STARD9: variants seen among roughly 807,000 people sequenced by gnomAD.
STARD9 encodes the protein stAR-related lipid transfer protein 9.
STARD9 carries 346 observed loss-of-function variants against 399.8 expected under a neutral mutation model. The observed-to-expected ratio is 0.87, with a 90% CI of 0.79 to 0.95. STARD9 has a LOEUF of 0.95. Among genes scored for constraint, STARD9 ranks in the 40% least tolerant of loss-of-function variants. The pLI is 0.00. For synonymous variants in STARD9, 2,203 were observed against 2,143.5 expected (o/e 1.03, Z -0.77); for missense variants, 5,832 against 5,667.5 (o/e 1.03, Z -0.93).
intron 7 of STARD9, among the ~76,000 whole-genome samples, chr15:42,643,724 C>G (rs1422375840): frequency 2.6e-5 from 4 of 152,128 alleles, no homozygotes; most frequent in African/African-American, 9.7e-5. Flanking sequence ...TGTCAAACTC[C>G]TGACCTTGTG....
intron 9 of STARD9, 146 bp from the exon 10 acceptor site, chr15:42,661,012 G>A (rs2059983925): frequency 1.1e-5 from 6 of 562,740 alleles, no homozygotes; most frequent in East Asian, 9.0e-5. Context: ...GATATTGAGA[G>A]CTCACCTGGT....
intron 3 of STARD9, among the ~76,000 whole-genome samples, chr15:42,625,344 T>A (rs1389689889): frequency 6.8e-6 from 1 of 146,198 alleles, no homozygotes; most frequent in African/African-American, 2.6e-5. Context: ...TATTTTCTGT[T>A]TTTGGAGACA....
At chr15:42,652,795 C>A (rs2059790063) in intron 9 of STARD9, among the ~76,000 whole-genome samples, 1 of 152,142 alleles carries the variant, frequency 6.6e-6, no homozygotes, top group South Asian at 2.1e-4. Context: ...CCTGCCTCAG[C>A]CTCCCAAATA....
chr15:42,609,996 G>A (rs1407409825), intron 3 of STARD9, among the ~76,000 whole-genome samples: 2 of 152,088 alleles, frequency 1.3e-5, no homozygotes, highest in Non-Finnish European at 2.9e-5. Context: ...GCGAGGCTGA[G>A]GCAGGAGAAT....
Position 42,685,894 on chromosome 15 carries a change from C to T in STARD9, c.4316C>T (p.Thr1439Ile). Residue 1439 changes from threonine to isoleucine, a missense_variant, in exon 23 of 33, where the codon ACC becomes ATC. By Grantham distance (89) the Thr-to-Ile change is moderately conservative. Coordinates refer to ENST00000290607, the MANE Select transcript of STARD9 (RefSeq NM_020759.3). ...CTTATTCAACCAGGAGCTGATGGCA[C>T]CTTTCAGGGCAGATGTATCCCTGAC... ...QRLIQPGADG[T>I]FQGRCIPDMT... The T allele has an allele frequency of 6.5e-7, 1 of 1,537,140 alleles. No individual in the cohort carries two copies. The highest frequency in any genetic ancestry group is 8.7e-7 in the Non-Finnish European group (1 of 1,146,934).
Position 42,689,761 on chromosome 15 carries a change from C to T in STARD9, c.8183C>T (p.Pro2728Leu). Residue 2728 changes from proline to leucine, a missense_variant, in exon 23 of 33, where the codon CCT becomes CTT. Coordinates refer to ENST00000290607, the MANE Select transcript of STARD9 (RefSeq NM_020759.3). Reference protein sequence around the residue: ...LAPDSPRSSAPVEEVRRVVSK... With the variant: ...LAPDSPRSSALVEEVRRVVSK... The stretch of plus-strand genomic sequence containing the variant: ...CCAGACAGTCCTCGTTCTTCAGCAC[C>T]TGTGGAGGAGGTCAGGAGGGTAGTA... 6.5e-7 allele frequency: 1 copy of T among 1,537,670 alleles called. No homozygotes were observed. Among genetic ancestry groups the T allele is most frequent in the Non-Finnish European group, 8.7e-7 (1 of 1,146,998 alleles).
At chr15:42,626,936 T>C (rs2059238968) in intron 3 of STARD9, among the ~76,000 whole-genome samples, 1 of 151,948 alleles carries the variant, frequency 6.6e-6, no homozygotes, top group African/African-American at 2.4e-5. Context: ...CTGCAACTTC[T>C]ACCTCCGCGG....
In STARD9 at chr15:42,693,954, C is replaced by G; in HGVS notation, c.12376C>G (p.Pro4126Ala). 2.0e-6 allele frequency: 3 copies of G among 1,504,896 alleles called. No homozygotes were observed. The highest frequency in any genetic ancestry group is 2.7e-6 in the Non-Finnish European group (3 of 1,128,764). The allele number at this position is 1,504,896 out of a possible 1,614,324, so 93.2% of individuals were successfully genotyped here. A position where few individuals can be genotyped will look rare whatever the true frequency, so the allele number is the denominator to read the frequency against. ...CTTCAGTTGCCAGATGTGCATGGCC[C>G]CTGAGCACCAGCACCACAGTCTGAG... ...LCFSCQMCMA[P>A]EHQHHSLRDL... Residue 4126 changes from proline to alanine, a missense_variant, in exon 23 of 33, where the codon CCT becomes GCT. Pro to Ala is a conservative substitution (Grantham distance 27). Coordinates refer to ENST00000290607, the MANE Select transcript of STARD9 (RefSeq NM_020759.3).
chr15:42,637,416 G>C (rs1434221200), intron 4 of STARD9, among the ~76,000 whole-genome samples: 2 of 151,986 alleles, frequency 1.3e-5, no homozygotes, highest in African/African-American at 2.4e-5. Context: ...GGTCTCCGCA[G>C]GTTGCCCAGG....
intron 9 of STARD9, among the ~76,000 whole-genome samples, chr15:42,660,383 G>A (rs2059970411): frequency 6.6e-6 from 1 of 151,902 alleles, no homozygotes; most frequent in Admixed American, 6.6e-5. Flanking sequence ...TGGCCAACAT[G>A]GTGAAACCCT....
rs2060714831 is a variant in STARD9 at position 42,691,850 on chromosome 15, C to G, written c.10272C>G (p.Ser3424Arg). 2.0e-6 allele frequency: 3 copies of G among 1,537,162 alleles called. No individual in the cohort carries two copies. In the Admixed American group the frequency reaches 5.9e-5, roughly 30 times the overall value. The change falls in exon 23 of 33, where the codon AGC becomes AGG. Residue 3424 changes from serine (S) to arginine (R), a missense_variant. Ser to Arg is a moderately radical substitution (Grantham distance 110). Around this residue, in one of 2 missense-constraint regions of STARD9, gnomAD observed 5,828 missense variants for 5,651.1 expected, o/e 1.03. Coordinates refer to ENST00000290607, the MANE Select transcript of STARD9 (RefSeq NM_020759.3). ...TGCCAACCCCTGATTTCACGACCAG[C>G]TGGATGTCTGGTACTTTGGAACAAG... Reference protein sequence around the residue: ...SHMPTPDFTTSWMSGTLEQAQ... With the variant: ...SHMPTPDFTTRWMSGTLEQAQ...
At chr15:42,652,241 C>G (rs958686262) in intron 8 of STARD9, among the ~76,000 whole-genome samples, 22 of 151,430 alleles carry the variant, frequency 1.5e-4, no homozygotes, top group African/African-American at 5.4e-4. Flanking sequence ...CTTCATTTCC[C>G]TTTTCACTTG....
rs1290675912 is a variant in STARD9, at chr15:42,692,030, G to A, written c.10452G>A (p.Lys3484=). ...AGGAGCCTGCACGTATCAGCTGGAAGCAGTATATGTCTGGCAGTGCAGTCG... is the reference window on the plus strand; with the variant it reads ...AGGAGCCTGCACGTATCAGCTGGAAACAGTATATGTCTGGCAGTGCAGTCG... ...RPEEPARISW[K]QYMSGSAVDV... The change falls in exon 23 of 33, where the codon AAG becomes AAA. Residue 3484 remains lysine, a synonymous_variant. Transcript: ENST00000290607. The A allele has an allele frequency of 2.0e-6, 3 of 1,537,150 alleles. No homozygotes were observed. Among genetic ancestry groups the A allele is most frequent in the Non-Finnish European group, 1.7e-6 (2 of 1,146,928 alleles).
Position 42,693,528 on chromosome 15 carries a change from A to G in STARD9, c.11950A>G (p.Ser3984Gly). 6.5e-7 allele frequency: 1 copy of G among 1,537,290 alleles called. No individual in the cohort carries two copies. Among genetic ancestry groups the G allele is most frequent in the African/African-American group, 1.4e-5 (1 of 73,174 alleles). Residue 3984 changes from serine (S) to glycine (G), a missense_variant, in exon 23 of 33, where the codon AGC becomes GGC. This residue lies in a region of STARD9 where 5,828 missense variants were observed against 5,651.1 expected (regional missense o/e 1.03). Transcript: ENST00000290607. ...RSFLELHSPH[S>G]PQQSPKLQFS... is the part of the protein sequence containing the mutation. Reference sequence around the variant, plus strand: ...CTTCCTTGAGTTGCACTCCCCACACAGCCCACAGCAGAGTCCAAAACTCCA... The same window carrying G: ...CTTCCTTGAGTTGCACTCCCCACACGGCCCACAGCAGAGTCCAAAACTCCA...
intron 3 of STARD9, among the ~76,000 whole-genome samples, chr15:42,614,879 C>G (rs970104781): frequency 3.9e-5 from 6 of 152,016 alleles, no homozygotes; most frequent in African/African-American, 1.4e-4. Flanking sequence ...GCGGGAGAAT[C>G]CCTTGAACCC....
rs1030541721 is a variant in STARD9, at chr15:42,681,534, C to T, written c.1987C>T (p.Gln663Ter). Residue 663 changes from glutamine (Q) to a stop codon, truncating the protein, a stop_gained, in exon 21 of 33, where the codon CAA becomes TAA. Transcript: ENST00000290607. LOFTEE classifies it high-confidence loss of function. ...QQSYVEDLRH[Q>*]ILAEEIRAAK... ...GAGCTACGTAGAGGATTTGAGGCAT[C>T]AAATCCTAGCAGAAGAGATTCGAGC... The T allele has an allele frequency of 6.5e-7, 1 of 1,537,206 alleles. No homozygotes were observed. The highest frequency in any genetic ancestry group is 8.7e-7 in the Non-Finnish European group (1 of 1,146,874).
intron 3 of STARD9, among the ~76,000 whole-genome samples, chr15:42,603,337 G>T (rs1413826994): frequency 6.6e-6 from 1 of 151,980 alleles, no homozygotes; most frequent in Admixed American, 6.6e-5. Flanking sequence ...AGCCCAGCTG[G>T]ACTCGAACTC....
chr15:42,623,911 C>T (rs1448569789), intron 3 of STARD9, among the ~76,000 whole-genome samples: 1 of 152,246 alleles, frequency 6.6e-6, no homozygotes, highest in Admixed American at 6.5e-5. Context: ...ATCTGGTCCA[C>T]ACTTGGGCCA....
chr15:42,661,287 A>G, intron 10 of STARD9, 62 bp downstream of exon 10: 1 of 1,133,662 alleles, frequency 8.8e-7, no homozygotes, highest in South Asian at 1.3e-5. Context: ...ACAGGGAATA[A>G]GCTGTTCCAA....
Sources: allele counts gnomAD v4.1 joint callset (sites outside exome capture counted in the v4.1 genomes callset), GRCh38; gene constraint gnomAD v4.1.1; regional missense constraint gnomAD v4.1.1; transcripts MANE v1.5; gene names NCBI Gene and HGNC (gene_info 2026-07-23, HGNC 2026-07-21).